KIF26B: variants seen among roughly 807,000 people sequenced by gnomAD.
The protein encoded by KIF26B is kinesin-like protein KIF26B.
KIF26B carries 63 observed loss-of-function variants against 151.2 expected under a neutral mutation model. The ratio of observed to expected loss-of-function variants is 0.42; its 90% CI spans 0.34 to 0.51. The LOEUF (loss-of-function observed/expected upper bound fraction) is 0.51. Among genes scored for constraint, KIF26B ranks in the 20% least tolerant of loss-of-function variants. KIF26B has a pLI of 0.07. For missense variants in KIF26B, 2,813 were observed against 2,913.6 expected, an observed-to-expected ratio of 0.97 and a Z score of 0.79; for synonymous variants, 1,357 against 1,262.1, an observed-to-expected ratio of 1.08 and a Z score of -1.59.
chr1:245,565,104 T>C (rs1198235013), intron 5 of KIF26B, among the ~76,000 whole-genome samples: 3 of 152,192 alleles, frequency 2.0e-5, no homozygotes, highest in Non-Finnish European at 4.4e-5. Flanking sequence ...GCCACTGCTT[T>C]TCAGCCTGGC....
chr1:245,305,886 G>A (rs565638371), intron 2 of KIF26B, among the ~76,000 whole-genome samples: 2 of 136,974 alleles, frequency 1.5e-5, no homozygotes, highest in South Asian at 2.3e-4. Flanking sequence ...TTAGTGAGCC[G>A]AGATCGCACC....
At chr1:245,403,880 T>G (rs1674069730) in intron 3 of KIF26B, among the ~76,000 whole-genome samples, 1 of 152,218 alleles carries the variant, frequency 6.6e-6, no homozygotes, top group Admixed American at 6.5e-5. Flanking sequence ...TCATAATAGA[T>G]AGCTTGTTGT....
intron 4 of KIF26B, among the ~76,000 whole-genome samples, chr1:245,526,077 G>A (rs1376973989): frequency 2.6e-5 from 4 of 152,120 alleles, no homozygotes; most frequent in African/African-American, 7.2e-5. Context: ...GCTCAACAGG[G>A]CCTGGTTTCT....
chr1:245,297,445 GA>G (rs1671359045), intron 2 of KIF26B, among the ~76,000 whole-genome samples: 1 of 152,220 alleles, frequency 6.6e-6, no homozygotes, highest in African/African-American at 2.4e-5. Flanking sequence ...CAGCCAAGTG[GA>G]AGGCAGAGGT....
intron 3 of KIF26B, among the ~76,000 whole-genome samples, chr1:245,370,921 C>T (rs1207189333): frequency 6.6e-6 from 1 of 152,168 alleles, no homozygotes; most frequent in East Asian, 1.9e-4. Context: ...GGCTGGAAAC[C>T]CTGGTTCCTG....
At chr1:245,186,082 T>C (rs972880711) in intron 2 of KIF26B, among the ~76,000 whole-genome samples, 3 of 151,738 alleles carry the variant, frequency 2.0e-5, no homozygotes, top group African/African-American at 7.3e-5. Flanking sequence ...ACCATGTTGG[T>C]CAGGCTGGTC....
rs1395233642 is a variant in KIF26B at position 245,375,559 on chromosome 1, G to A, written c.999+8192G>A. ...GAAGGAACCTCTAGAAGCTGAGGAC[G>A]GCAAGGGTGTGATTCTCCCCTAGAG... On this transcript the variant is annotated intron_variant, in intron 3 of 14. Coordinates refer to ENST00000407071, the MANE Select transcript of KIF26B (RefSeq NM_018012.4). The surrounding 1 kb of genome is among the most constrained non-coding windows in gnomAD (Gnocchi z 4.2). Among the ~76,000 whole-genome samples, 1 of 152,114 alleles carries A rather than the reference G, an allele frequency of 6.6e-6. No individual in the cohort carries two copies. The highest frequency in any genetic ancestry group is 2.4e-5 in the African/African-American group (1 of 41,420).
At chr1:245,171,315 G>A (rs1433862438) in intron 2 of KIF26B, among the ~76,000 whole-genome samples, 1 of 152,192 alleles carries the variant, frequency 6.6e-6, no homozygotes, top group Non-Finnish European at 1.5e-5. Context: ...AGGCCAAGGC[G>A]GGCGGATCAC....
intron 1 of KIF26B, 66 bp downstream of exon 1, chr1:245,155,553 C>A: frequency 7.1e-7 from 1 of 1,408,276 alleles, no homozygotes; most frequent in Non-Finnish European, 9.8e-7. Flanking sequence ...TCCCCCTTTC[C>A]CCGGGATCGT....
intron 2 of KIF26B, among the ~76,000 whole-genome samples, chr1:245,186,115 C>T (rs916246865): frequency 7.2e-5 from 11 of 152,256 alleles, no homozygotes; most frequent in African/African-American, 2.6e-4. Context: ...CCTCGTGATC[C>T]ACCCACCTTG....
intron 2 of KIF26B, among the ~76,000 whole-genome samples, chr1:245,329,987 G>C (rs1475727132): frequency 6.6e-6 from 1 of 151,886 alleles, no homozygotes; most frequent in Non-Finnish European, 1.5e-5. Flanking sequence ...GAAATTTTTT[G>C]GTAAAGACAG....
intron 2 of KIF26B, among the ~76,000 whole-genome samples, chr1:245,278,499 T>A (rs1005057392): frequency 3.3e-5 from 5 of 152,214 alleles, no homozygotes; most frequent in Admixed American, 1.3e-4. Flanking sequence ...GCTTTCTCTT[T>A]TGGGCATGAA....
At chr1:245,333,438 C>T (rs1280897764) in intron 2 of KIF26B, among the ~76,000 whole-genome samples, 1 of 152,106 alleles carries the variant, frequency 6.6e-6, no homozygotes, top group Non-Finnish European at 1.5e-5. Flanking sequence ...TGGTGGTTTC[C>T]AGGGGCTGGC....
chr1:245,216,689 G>GAGCT (rs1669653337), intron 2 of KIF26B, among the ~76,000 whole-genome samples: 1 of 152,132 alleles, frequency 6.6e-6, no homozygotes, highest in South Asian at 2.1e-4. Flanking sequence ...GTCAGATGGG[G>GAGCT]AGCTGCTCTC....
Position 245,156,670 on chromosome 1 carries a change from C to T in KIF26B, c.452C>T (p.Pro151Leu), listed in dbSNP as rs1471481682. 26 of 1,499,278 alleles carry T rather than the reference C, an allele frequency of 1.7e-5. No homozygotes were observed. The highest frequency in any genetic ancestry group is 2.3e-5 in the Non-Finnish European group (26 of 1,131,662). The allele number at this position is 1,499,278 out of a possible 1,614,324, so 92.9% of individuals were successfully genotyped here. A position where few individuals can be genotyped will look rare whatever the true frequency, so the allele number is the denominator to read the frequency against. ...RQALRLLLPG[P>L]FPGKDPAFSA... is the part of the protein sequence containing the mutation. ...GCCCTGAGGTTGCTCCTCCCGGGGC[C>T]CTTCCCGGGCAAGGTGAGCGCCGCG... The change falls in exon 2 of 15, where the codon CCC becomes CTC. Residue 151 changes from proline to leucine, a missense_variant. Around this residue, in one of 3 missense-constraint regions of KIF26B, gnomAD observed 676 missense variants for 688.1 expected, o/e 0.98. Transcript: ENST00000407071.
chr1:245,213,219 A>T (rs948938561), intron 2 of KIF26B, among the ~76,000 whole-genome samples: 1 of 152,220 alleles, frequency 6.6e-6, no homozygotes, highest in Non-Finnish European at 1.5e-5. Context: ...TACCACAATT[A>T]ACCCCAAAAG....
At chr1:245,194,210 G>A (rs555268320) in intron 2 of KIF26B, among the ~76,000 whole-genome samples, 53 of 152,196 alleles carry the variant, frequency 3.5e-4, no homozygotes, top group African/African-American at 1.1e-3. Context: ...CTAATTCATC[G>A]TGGTGGCACA....
chr1:245,501,329 AT>A (rs1419959165), intron 4 of KIF26B, among the ~76,000 whole-genome samples: 1 of 152,198 alleles, frequency 6.6e-6, no homozygotes, highest in African/African-American at 2.4e-5. Context: ...CAGAGTCGTA[AT>A]GAGGGTTAAA....
intron 2 of KIF26B, among the ~76,000 whole-genome samples, chr1:245,297,464 G>C (rs147751754): frequency 3.3e-4 from 50 of 152,320 alleles, no homozygotes; most frequent in African/African-American, 1.1e-3. Flanking sequence ...GGTGGGATTT[G>C]AGTCTTTGCT....
Sources: gnomAD v4.1 joint callset for allele counts (sites outside exome capture counted in the v4.1 genomes callset) on GRCh38, gnomAD v4.1.1 for gene constraint, gnomAD v4.1.1 regional missense constraint, Gnocchi (gnomAD v3.1) non-coding constraint, MANE v1.5 for transcripts, NCBI Gene and HGNC (gene_info 2026-07-23, HGNC 2026-07-21) for gene names.